The following MACROD2 variants were observed in gnomAD, a reference collection of about 807,000 sequenced individuals.
MACROD2 encodes the protein mono-ADP ribosylhydrolase 2, also known as ADP-ribose glycohydrolase MACROD2.
Under a neutral mutation model 70.4 loss-of-function variants are expected in MACROD2, and 36 were observed. That is an observed-to-expected ratio of 0.51 (90% CI 0.39 to 0.68). The LOEUF is 0.68. MACROD2 is among the 30% of genes least tolerant of loss of function. The pLI, the probability that MACROD2 is intolerant of heterozygous loss-of-function variation, is 0.00. For missense variants in MACROD2, 496 were observed against 538.4 expected, an observed-to-expected ratio of 0.92 and a Z score of 0.78; for synonymous variants, 172 against 178.8, an observed-to-expected ratio of 0.96 and a Z score of 0.30.
At chr20:14,619,393 AG>A (rs1187914612) in intron 4 of MACROD2, among the ~76,000 whole-genome samples, 2 of 19,114 alleles carry the variant, frequency 1.0e-4, no homozygotes, top group Admixed American at 7.3e-4. Context: ...GGAAGGAAGG[AG>A]GGGGGAGGAA....
intron 3 of MACROD2, among the ~76,000 whole-genome samples, chr20:14,417,066 C>CTATCTATCATCT (rs1555789653): frequency 1.5e-5 from 2 of 132,478 alleles, no homozygotes; most frequent in African/African-American, 5.1e-5. Flanking sequence ...ATCTATCTAT[C>CTATCTATCATCT]ATCTATCTAT....
intron 3 of MACROD2, chr20:14,329,327 C>T (rs773345097): frequency 6.6e-6 from 1 of 152,030 alleles, no homozygotes; most frequent in Non-Finnish European, 1.5e-5. Context: ...CTGAGCATCT[C>T]CTGTGAAAGT....
At chr20:14,532,362 C>T (rs1014931848) in intron 4 of MACROD2, among the ~76,000 whole-genome samples, 9 of 151,208 alleles carry the variant, frequency 6.0e-5, no homozygotes, top group East Asian at 1.9e-4. Flanking sequence ...GGACTACAGG[C>T]GCCCGCCACC....
At chr20:14,959,848 A>G (rs2074568311) in intron 5 of MACROD2, among the ~76,000 whole-genome samples, 1 of 152,196 alleles carries the variant, frequency 6.6e-6, no homozygotes. Flanking sequence ...GCTGGCTTCT[A>G]AAAGGCCACG....
intron 2 of MACROD2, among the ~76,000 whole-genome samples, chr20:14,028,416 T>C (rs1025071484): frequency 8.5e-5 from 13 of 152,048 alleles, no homozygotes; most frequent in African/African-American, 3.1e-4. Flanking sequence ...CAGCCCCCTT[T>C]CCAGGGGAAT....
At chr20:15,134,595 A>C (rs1363756410) in intron 5 of MACROD2, among the ~76,000 whole-genome samples, 2 of 152,188 alleles carry the variant, frequency 1.3e-5, no homozygotes, top group African/African-American at 4.8e-5. Context: ...TATAGCACTA[A>C]ATGCCCACAA....
At chr20:14,193,227 A>G (rs1408950635) in intron 3 of MACROD2, among the ~76,000 whole-genome samples, 1 of 152,234 alleles carries the variant, frequency 6.6e-6, no homozygotes, top group African/African-American at 2.4e-5. Context: ...ACATTGATGA[A>G]CACAGGCTTC....
intron 3 of MACROD2, among the ~76,000 whole-genome samples, chr20:14,352,990 C>G (rs2083138304): frequency 6.6e-6 from 1 of 152,160 alleles, no homozygotes; most frequent in Non-Finnish European, 1.5e-5. Flanking sequence ...CTACTATCAT[C>G]AATTTGATGG....
At chr20:15,929,132 G>A (rs2147309239) in intron 10 of MACROD2, among the ~76,000 whole-genome samples, 1 of 152,220 alleles carries the variant, frequency 6.6e-6, no homozygotes, top group South Asian at 2.1e-4. Context: ...TGTAGGCTGG[G>A]CTCAGTGGGG....
intron 6 of MACROD2, among the ~76,000 whole-genome samples, chr20:15,412,311 A>G (rs1256941270): frequency 1.3e-5 from 2 of 152,194 alleles, no homozygotes; most frequent in South Asian, 2.1e-4. Flanking sequence ...AAAAGCTGAC[A>G]TAAGGGAGAT....
At chr20:15,548,158 A>C (rs1179561643) in intron 8 of MACROD2, among the ~76,000 whole-genome samples, 2 of 152,192 alleles carry the variant, frequency 1.3e-5, no homozygotes, top group African/African-American at 2.4e-5. Flanking sequence ...TTTTGGAAAC[A>C]GTTTTGGAAC....
At chr20:15,797,372 C>T (rs531971273) in intron 8 of MACROD2, among the ~76,000 whole-genome samples, 60 of 152,312 alleles carry the variant, frequency 3.9e-4, no homozygotes, top group African/African-American at 1.4e-3. Flanking sequence ...GCCCCAGCCT[C>T]CCAAAGTGCT....
intron 5 of MACROD2, among the ~76,000 whole-genome samples, chr20:15,043,598 C>G (rs1420453184): frequency 6.6e-6 from 1 of 152,164 alleles, no homozygotes; most frequent in Admixed American, 6.5e-5. Flanking sequence ...CGCCTCTTCC[C>G]TTTTCTCTTT....
intron 8 of MACROD2, among the ~76,000 whole-genome samples, chr20:15,729,296 T>C (rs2050908532): frequency 1.3e-5 from 2 of 152,202 alleles, no homozygotes; most frequent in Non-Finnish European, 2.9e-5. Flanking sequence ...AGCATTGTTT[T>C]ATGGTTAATT....
At chr20:14,343,827 A>G (rs750896777) in intron 3 of MACROD2, among the ~76,000 whole-genome samples, 1 of 152,146 alleles carries the variant, frequency 6.6e-6, no homozygotes, top group South Asian at 2.1e-4. Flanking sequence ...GATCAACAAG[A>G]TATTATACAA....
chr20:14,837,364 T>G (rs969725071), intron 5 of MACROD2, among the ~76,000 whole-genome samples: 1 of 152,054 alleles, frequency 6.6e-6, no homozygotes, highest in Non-Finnish European at 1.5e-5. Context: ...AAATTAGATG[T>G]TCATAGGAGC....
At chr20:15,191,877 C>T (rs2076572645) in intron 5 of MACROD2, among the ~76,000 whole-genome samples, 1 of 149,430 alleles carries the variant, frequency 6.7e-6, no homozygotes, top group Non-Finnish European at 1.5e-5. Flanking sequence ...TATATAACAA[C>T]AACCAAATCA....
At chr20:16,019,456 G>A (rs539293637) in intron 15 of MACROD2, among the ~76,000 whole-genome samples, 30 of 152,276 alleles carry the variant, frequency 2.0e-4, no homozygotes, top group African/African-American at 7.2e-4. Flanking sequence ...GAAAAAATGT[G>A]GCACAGTGTG....
intron 5 of MACROD2, among the ~76,000 whole-genome samples, chr20:15,087,903 A>C (rs954843576): frequency 6.6e-6 from 1 of 152,052 alleles, no homozygotes; most frequent in Non-Finnish European, 1.5e-5. Flanking sequence ...GTCAATAAAC[A>C]TATAAAGATA....
Sources: allele counts gnomAD v4.1 joint callset (sites outside exome capture counted in the v4.1 genomes callset), GRCh38; gene constraint gnomAD v4.1.1; transcripts MANE v1.5; gene names NCBI Gene and HGNC (gene_info 2026-07-23, HGNC 2026-07-21).